The following DLG2 variants were observed in gnomAD, a reference collection of about 807,000 sequenced individuals.
DLG2 encodes the protein disks large homolog 2.
A neutral mutation model predicts 132.5 loss-of-function variants in DLG2; 45 were observed. The observed-to-expected ratio is 0.34, with a 90% CI of 0.27 to 0.44. The LOEUF is 0.44. Ranked by LOEUF, DLG2 falls within the 20% of genes least tolerant of loss-of-function variation. The probability of loss-of-function intolerance (pLI) is 1.00; values close to 1 mark genes in which losing one functional copy is unlikely to be tolerated. For missense variants in DLG2, 1,045 were observed against 1,196.9 expected (o/e 0.87, Z 1.87); for synonymous variants, 424 against 419.6 (o/e 1.01, Z -0.13).
intron 14 of DLG2, among the ~76,000 whole-genome samples, chr11:83,942,448 T>C (rs2082872713): frequency 6.6e-6 from 1 of 152,182 alleles, no homozygotes; most frequent in African/African-American, 2.4e-5. Context: ...TCTAGAAGCA[T>C]ACGCCAGGGA....
chr11:84,658,530 C>T (rs902653278), intron 6 of DLG2, among the ~76,000 whole-genome samples: 8 of 152,028 alleles, frequency 5.3e-5, no homozygotes, highest in African/African-American at 1.7e-4. Context: ...GAAATGTGAT[C>T]CCCAATGCTA....
intron 6 of DLG2, among the ~76,000 whole-genome samples, chr11:84,873,188 C>T (rs1173106700): frequency 2.6e-5 from 4 of 151,966 alleles, no homozygotes; most frequent in Non-Finnish European, 5.9e-5. Flanking sequence ...ATCACAAGGG[C>T]CTTTATAAGA....
chr11:85,047,729 A>G (rs2062483067), intron 6 of DLG2, among the ~76,000 whole-genome samples: 2 of 151,966 alleles, frequency 1.3e-5, no homozygotes, highest in African/African-American at 4.8e-5. Context: ...ATAAATAAAA[A>G]GTATCATTTT....
chr11:84,754,315 C>T (rs1203612691), intron 6 of DLG2, among the ~76,000 whole-genome samples: 1 of 152,086 alleles, frequency 6.6e-6, no homozygotes, highest in Non-Finnish European at 1.5e-5. Context: ...GCATATTGAA[C>T]AGTATCCTTT....
chr11:84,218,628 C>G (rs895256905), intron 8 of DLG2, among the ~76,000 whole-genome samples: 2 of 152,062 alleles, frequency 1.3e-5, no homozygotes, highest in African/African-American at 4.8e-5. Context: ...TTTGGCAGAC[C>G]CTTAAAATGA....
At chr11:83,525,268 C>T (rs2095578366) in intron 21 of DLG2, among the ~76,000 whole-genome samples, 1 of 152,156 alleles carries the variant, frequency 6.6e-6, no homozygotes, top group South Asian at 2.1e-4. Flanking sequence ...TTCAGAAAAG[C>T]CACTAGCACA....
At chr11:84,866,042 G>T (rs1260843510) in intron 6 of DLG2, among the ~76,000 whole-genome samples, 1 of 152,200 alleles carries the variant, frequency 6.6e-6, no homozygotes, top group Admixed American at 6.5e-5. Flanking sequence ...GGATCAAAAG[G>T]TTGAGGGAAT....
In DLG2 at chr11:85,595,532, GT is replaced by G. The variant is rs1335263422; in HGVS notation, c.40+3124del. Among the ~76,000 whole-genome samples the G allele has an allele frequency of 9.2e-5, 14 of 151,868 alleles. No homozygotes were observed. In the East Asian group the frequency reaches 2.1e-3, roughly 23 times the overall value. On this transcript the variant is annotated intron_variant, in intron 3 of 27. Coordinates refer to ENST00000376104, the MANE Select transcript of DLG2 (RefSeq NM_001142699.3). ...GCATCTAGCATATTGCTGTTTCAGGGTTTTTTTTATTTTTTGCATTTGGTTT... is the reference window on the plus strand; with the variant it reads ...GCATCTAGCATATTGCTGTTTCAGGGTTTTTTTATTTTTTGCATTTGGTTT...
At chr11:83,633,743 A>AACACACAC (rs35932645) in intron 18 of DLG2, among the ~76,000 whole-genome samples, 6,867 of 143,194 alleles carry the variant, frequency 0.048, 199 homozygotes, top group African/African-American at 0.07. Context: ...CACAGAACTA[A>AACACACAC]ACACACACAC....
intron 2 of DLG2, among the ~76,000 whole-genome samples, chr11:85,614,748 G>C (rs1299400491): frequency 6.6e-6 from 1 of 152,192 alleles, no homozygotes; most frequent in Non-Finnish European, 1.5e-5. Context: ...ATTCTGCACT[G>C]ATCACCTTAT....
At chr11:84,637,019 C>T (rs1268009787) in intron 6 of DLG2, among the ~76,000 whole-genome samples, 2 of 151,976 alleles carry the variant, frequency 1.3e-5, no homozygotes, top group East Asian at 1.9e-4. Flanking sequence ...AACTCCTGAC[C>T]TCAGATGATC....
At chr11:85,362,579 T>G (rs2084244213) in intron 3 of DLG2, among the ~76,000 whole-genome samples, 1 of 152,106 alleles carries the variant, frequency 6.6e-6, no homozygotes, top group Non-Finnish European at 1.5e-5. Context: ...TTTGACTTCC[T>G]CTTTTCCAAT....
intron 7 of DLG2, among the ~76,000 whole-genome samples, chr11:84,272,796 T>C (rs566557414): frequency 2.0e-5 from 3 of 152,286 alleles, no homozygotes; most frequent in Non-Finnish European, 4.4e-5. Flanking sequence ...TTCAAGTAGC[T>C]CTGGGGGAAC....
chr11:85,235,582 G>A (rs908363288), intron 4 of DLG2, among the ~76,000 whole-genome samples: 4 of 151,792 alleles, frequency 2.6e-5, no homozygotes, highest in African/African-American at 4.8e-5. Flanking sequence ...GGGGGAAGAC[G>A]GGAACAGAAA....
At chr11:84,962,290 C>A (rs1412736696) in intron 6 of DLG2, among the ~76,000 whole-genome samples, 1 of 152,184 alleles carries the variant, frequency 6.6e-6, no homozygotes, top group Non-Finnish European at 1.5e-5. Flanking sequence ...TGAACCCAAG[C>A]TGCTGGACTC....
intron 17 of DLG2, among the ~76,000 whole-genome samples, chr11:83,829,156 A>C (rs1460231332): frequency 2.0e-5 from 3 of 151,518 alleles, no homozygotes; most frequent in African/African-American, 7.3e-5. Flanking sequence ...TTTGCAAATT[A>C]ATCTTACATG....
intron 21 of DLG2, among the ~76,000 whole-genome samples, chr11:83,496,037 A>C (rs554002145): frequency 6.6e-6 from 1 of 152,220 alleles, no homozygotes; most frequent in African/African-American, 2.4e-5. Flanking sequence ...AAAAAATGAA[A>C]AGACAAGTCA....
intron 9 of DLG2, among the ~76,000 whole-genome samples, chr11:84,116,567 C>G (rs764573104): frequency 6.6e-6 from 1 of 152,142 alleles, no homozygotes; most frequent in African/African-American, 2.4e-5. Context: ...TATTCACTAT[C>G]AGGAGAACGA....
chr11:84,504,716 A>G lies in DLG2; in HGVS notation c.519+29854T>C, dbSNP rs148369495. ...CCTTCATGTGGCACCAGTGCTTGTT[A>G]GAAATACAAGTAATGACCCAGAGGA... On this transcript the variant is annotated intron_variant, in intron 7 of 27. Coordinates refer to ENST00000376104, the MANE Select transcript of DLG2 (RefSeq NM_001142699.3). Among the ~76,000 whole-genome samples the G allele has an allele frequency of 2.6e-3, 398 of 152,262 alleles. 14 individuals carry two copies. The East Asian group carries it at 0.065, about 25-fold the overall frequency.
Sources: gnomAD v4.1 joint callset for allele counts (sites outside exome capture counted in the v4.1 genomes callset) on GRCh38, gnomAD v4.1.1 for gene constraint, MANE v1.5 for transcripts, NCBI Gene and HGNC (gene_info 2026-07-23, HGNC 2026-07-21) for gene names.